The following RPS6KA1 variants were observed in gnomAD, a reference collection of about 807,000 sequenced individuals.
RPS6KA1 encodes ribosomal protein S6 kinase A1, also known as ribosomal protein S6 kinase alpha-1.
In RPS6KA1, 48 loss-of-function variants were observed where a neutral mutation model predicts 91.3. The observed-to-expected ratio is 0.53, with a 90% CI of 0.42 to 0.67. The LOEUF is 0.67. Ranked by LOEUF, RPS6KA1 falls within the 30% of genes least tolerant of loss-of-function variation. The probability of loss-of-function intolerance (pLI) is 0.00; values close to 1 mark genes in which losing one functional copy is unlikely to be tolerated. For missense variants in RPS6KA1, 719 were observed against 960.5 expected, an observed-to-expected ratio of 0.75 and a Z score of 3.32; for synonymous variants, 359 against 384.7, an observed-to-expected ratio of 0.93 and a Z score of 0.78.
intron 4 of RPS6KA1, among the ~76,000 whole-genome samples, chr1:26,549,690 CTTTTTTTTTTTT>C (rs561375723): frequency 3.9e-5 from 4 of 101,934 alleles, no homozygotes; most frequent in Admixed American, 1.2e-4. Flanking sequence ...AAAGCCTGTT[CTTTTTTTTTTTT>C]TTTTTTTTTT....
chr1:26,567,364 G>A (rs1361719154), intron 17 of RPS6KA1, among the ~76,000 whole-genome samples: 1 of 151,786 alleles, frequency 6.6e-6, no homozygotes, highest in African/African-American at 2.4e-5. Flanking sequence ...CTGGTCTCTA[G>A]GGTTTTTTGT....
chr1:26,564,869 T>G (rs3127013), intron 17 of RPS6KA1, among the ~76,000 whole-genome samples: 55,363 of 151,840 alleles, frequency 0.36, 11,221 homozygotes, highest in East Asian at 0.76. Context: ...GAGTAAATGT[T>G]TTTCCTTTTT....
chr1:26,550,714 G>A (rs2076042057), intron 4 of RPS6KA1, among the ~76,000 whole-genome samples: 1 of 152,164 alleles, frequency 6.6e-6, no homozygotes, highest in African/African-American at 2.4e-5. Context: ...AGAGAAAAGT[G>A]CTCCAAAGGA....
chr1:26,551,317 AAG>A lies in RPS6KA1; in HGVS notation c.308-76_308-75del. On this transcript the variant is annotated intron_variant, in intron 4 of 21. Coordinates refer to ENST00000374168, the MANE Select transcript of RPS6KA1 (RefSeq NM_002953.4). This position sits in a 1 kb window ranked among gnomAD's most constrained non-coding sequence, Gnocchi z 4.5. ...CTCAGGCCTGGAGGAACAAGTGGAA[AAG>A]AGATCCCTTAGCGGGGGCTTGGGAG... The A allele has an allele frequency of 7.8e-7, 1 of 1,278,324 alleles. No homozygotes were observed. The highest frequency in any genetic ancestry group is 1.1e-6 in the Non-Finnish European group (1 of 881,438). 79.2% of individuals were successfully genotyped at this position (1,278,324 alleles called of 1,614,324 possible).
rs545603574 is a variant in RPS6KA1, at chr1:26,560,596, C to A, written c.1216-130C>A. 1.3e-5 allele frequency: 15 copies of A among 1,194,832 alleles called. No homozygotes were observed. The African/African-American group carries it at 1.5e-4, about 12-fold the overall frequency. 74.0% of individuals were successfully genotyped at this position (1,194,832 alleles called of 1,614,324 possible). ...CAGGCTGTCACCTGCGGTCACATGG[C>A]CAACACTCTACCCCAAGTCTCCTGG... is the stretch of plus-strand genomic sequence containing the variant. On this transcript the variant is annotated intron_variant, in intron 14 of 21. Transcript: ENST00000374168.
At chr1:26,563,242 T>C (rs1222363171) in intron 17 of RPS6KA1, among the ~76,000 whole-genome samples, 1 of 152,050 alleles carries the variant, frequency 6.6e-6, no homozygotes, top group African/African-American at 2.4e-5. Flanking sequence ...CCCCCTTTTT[T>C]TTGAGACAGG....
At chr1:26,538,552 TAAGG>T (rs2075923687) in intron 2 of RPS6KA1, among the ~76,000 whole-genome samples, 1 of 152,192 alleles carries the variant, frequency 6.6e-6, no homozygotes, top group Non-Finnish European at 1.5e-5. Flanking sequence ...GAATGCCACT[TAAGG>T]AAGAGAAAGA....
In RPS6KA1 at chr1:26,555,271, C is replaced by T. The variant is rs747720283; in HGVS notation, c.827+50C>T. Reference sequence around the variant, plus strand: ...ACAATGGACTCCTCCAAGCCCCAGCCCCAGTTTGGGGGTCAGAATATTATT... The same window carrying T: ...ACAATGGACTCCTCCAAGCCCCAGCTCCAGTTTGGGGGTCAGAATATTATT... On this transcript the variant is annotated intron_variant, in intron 10 of 21. Transcript: ENST00000374168. This position sits in a 1 kb window ranked among gnomAD's most constrained non-coding sequence, Gnocchi z 4.3. 13 of 1,578,262 alleles carry T rather than the reference C, an allele frequency of 8.2e-6. No homozygotes were observed. Among genetic ancestry groups the T allele is most frequent in the East Asian group, 2.2e-5 (1 of 44,680 alleles).
rs550334697 is a variant in RPS6KA1, at chr1:26,536,045, T to C, written c.64-880T>C. 5.6e-4 allele frequency among the ~76,000 whole-genome samples: 85 copies of C among 151,650 alleles called. 1 individual carries two copies. Among genetic ancestry groups the C allele is most frequent in the Middle Eastern group, 3.4e-3 (1 of 294 alleles). ...GGCGTACGCCTGTAATCCCAGCTAC[T>C]TGGGAGGCTGAGGCAGGAGAATCGC... On this transcript the variant is annotated intron_variant, in intron 1 of 21. Transcript: ENST00000374168.
chr1:26,536,087 G>C (rs2075904068), intron 1 of RPS6KA1, among the ~76,000 whole-genome samples: 1 of 150,626 alleles, frequency 6.6e-6, no homozygotes, highest in African/African-American at 2.4e-5. Flanking sequence ...CTGGGAGGCG[G>C]AGGTTGCAGT....
At chr1:26,536,327 G>A (rs2124614371) in intron 1 of RPS6KA1, among the ~76,000 whole-genome samples, 1 of 152,294 alleles carries the variant, frequency 6.6e-6, no homozygotes, top group Admixed American at 6.5e-5. Context: ...AATAGTCCCT[G>A]CAGTGGGACA....
chr1:26,553,933 A>T (rs1233007602), intron 7 of RPS6KA1: 1 of 379,818 alleles, frequency 2.6e-6, no homozygotes, highest in South Asian at 4.9e-5. Flanking sequence ...TACTAGCTCA[A>T]TGACTGTAGA....
intron 14 of RPS6KA1, among the ~76,000 whole-genome samples, chr1:26,559,627 A>G (rs1278642193): frequency 6.8e-6 from 1 of 147,206 alleles, no homozygotes; most frequent in African/African-American, 2.5e-5. Flanking sequence ...TGATCCGCCC[A>G]CCTCAGCCTC....
rs1485483384 is a variant in RPS6KA1 at position 26,551,464 on chromosome 1, G to A, written c.375G>A (p.Val125=). The change falls in exon 5 of 22, where the codon GTG becomes GTA. Residue 125 remains valine (V), a synonymous_variant. Coordinates refer to ENST00000374168, the MANE Select transcript of RPS6KA1 (RefSeq NM_002953.4). This position sits in a 1 kb window ranked among gnomAD's most constrained non-coding sequence, Gnocchi z 4.5. The part of the protein sequence containing the change: ...ILADVNHPFV[V]KLHYAFQTEG... ...CTGATGTAAATCACCCATTCGTGGT[G>A]AAGCTGCACTATGGTAAAGCTTCTG... 2 of 1,614,168 alleles carry A rather than the reference G, an allele frequency of 1.2e-6. No homozygotes were observed. Among genetic ancestry groups the A allele is most frequent in the Non-Finnish European group, 1.7e-6 (2 of 1,180,014 alleles).
At chr1:26,562,517 A>G (rs74062514) in intron 17 of RPS6KA1, among the ~76,000 whole-genome samples, 4,429 of 152,250 alleles carry the variant, frequency 0.029, 192 homozygotes, top group African/African-American at 0.1. Context: ...TCTGCTGGAA[A>G]CGTAGCAGGG....
At chr1:26,562,939 T>C (rs1356946521) in intron 17 of RPS6KA1, among the ~76,000 whole-genome samples, 4 of 136,626 alleles carry the variant, frequency 2.9e-5, no homozygotes, top group Admixed American at 1.5e-4. Context: ...CGGGTTCAAG[T>C]GACTCTCCTG....
chr1:26,543,102 T>TA (rs2075961387), intron 2 of RPS6KA1: 9 of 1,525,728 alleles, frequency 5.9e-6, no homozygotes, highest in Non-Finnish European at 7.9e-6. Flanking sequence ...CCAGGAAGGC[T>TA]AAAAAAAGCA....
Position 26,574,052 on chromosome 1 carries a change from GA to G in RPS6KA1, c.2086-26del. On this transcript the variant is annotated intron_variant, in intron 21 of 21. Transcript: ENST00000374168. This position sits in a 1 kb window ranked among gnomAD's most constrained non-coding sequence, Gnocchi z 4.3. ...TCCCCGCTACATCTCCCACCATTGT[GA>G]CCTGACCTCCCCACTTCTCTTTCAG... 3 of 1,609,608 alleles carry G rather than the reference GA, an allele frequency of 1.9e-6. No homozygotes were observed. The highest frequency in any genetic ancestry group is 2.5e-6 in the Non-Finnish European group (3 of 1,176,660).
intron 1 of RPS6KA1, among the ~76,000 whole-genome samples, chr1:26,533,979 C>T (rs755888684): frequency 1.3e-5 from 2 of 152,130 alleles, no homozygotes; most frequent in Non-Finnish European, 2.9e-5. Flanking sequence ...TTTGGCGTTC[C>T]ATAAGAATGA....
Sources: gnomAD v4.1 joint callset for allele counts (sites outside exome capture counted in the v4.1 genomes callset) on GRCh38, gnomAD v4.1.1 for gene constraint, Gnocchi (gnomAD v3.1) non-coding constraint, MANE v1.5 for transcripts, NCBI Gene and HGNC (gene_info 2026-07-23, HGNC 2026-07-21) for gene names.